EFCAB8: variants seen among roughly 807,000 people sequenced by gnomAD.
The protein encoded by EFCAB8 is EF-hand calcium binding domain 8.
EFCAB8 carries 100 observed loss-of-function variants against 116.3 expected under a neutral mutation model. The ratio of observed to expected loss-of-function variants is 0.86; its 90% CI spans 0.73 to 1.02. The LOEUF (loss-of-function observed/expected upper bound fraction) is 1.02, where lower values mean the gene tolerates loss of function less well. EFCAB8 is among the 50% of genes least tolerant of loss of function. The pLI is 0.00. For synonymous variants in EFCAB8, 558 were observed against 567.9 expected (o/e 0.98, Z 0.25); for missense variants, 1,320 against 1,416.9 (o/e 0.93, Z 1.10).
intron 11 of EFCAB8, 78 bp from the exon 12 acceptor site, chr20:32,906,484 C>T (rs1051436726): frequency 8.4e-6 from 6 of 712,130 alleles, no homozygotes; most frequent in African/African-American, 7.0e-5. Context: ...TAGCTCCTCC[C>T]ACCCCAGGCT....
intron 22 of EFCAB8, among the ~76,000 whole-genome samples, chr20:32,935,192 C>CTTTTTTTTTTTTTTTTT (rs753039647): frequency 1.1e-3 from 39 of 34,052 alleles, no homozygotes; most frequent in Admixed American, 1.4e-3. Flanking sequence ...TTCTTTCTTT[C>CTTTTTTTTTTTTTTTTT]TTTTTTTTTT....
intron 15 of EFCAB8, 62 bp from the exon 16 acceptor site, chr20:32,911,418 A>C (rs1266152743): frequency 2.2e-6 from 3 of 1,379,712 alleles, no homozygotes; most frequent in Non-Finnish European, 1.9e-6. Context: ...CAGGCTGGAG[A>C]CCACCCTTGG....
intron 22 of EFCAB8, among the ~76,000 whole-genome samples, chr20:32,933,351 T>TAA (rs1341404566): frequency 6.6e-6 from 1 of 152,236 alleles, no homozygotes; most frequent in Non-Finnish European, 1.5e-5. Context: ...TTCAAATAGA[T>TAA]AAATCATAAT....
chr20:32,864,221 C>T (rs1188276264), intron 2 of EFCAB8, among the ~76,000 whole-genome samples: 8 of 151,912 alleles, frequency 5.3e-5, no homozygotes, highest in South Asian at 2.1e-4. Flanking sequence ...ATGATCTGCC[C>T]GCCTCAGCCT....
At chr20:32,883,731 C>A (rs997679370) in intron 5 of EFCAB8, among the ~76,000 whole-genome samples, 1 of 151,928 alleles carries the variant, frequency 6.6e-6, no homozygotes, top group South Asian at 2.1e-4. Flanking sequence ...CACTCTGTCA[C>A]CCAGGCTGGA....
intron 26 of EFCAB8, among the ~76,000 whole-genome samples, chr20:32,960,607 A>T (rs1198636295): frequency 1.3e-5 from 2 of 152,246 alleles, no homozygotes; most frequent in African/African-American, 4.8e-5. Flanking sequence ...AGGGACAGAA[A>T]GGAGCAGGGG....
chr20:32,948,808 A>G (rs77179483), intron 23 of EFCAB8, among the ~76,000 whole-genome samples: 1,896 of 152,290 alleles, frequency 0.012, 29 homozygotes, highest in African/African-American at 0.043. Flanking sequence ...AAAATTCAAC[A>G]TCCATTTCTG....
chr20:32,935,415 G>A (rs1286039059), intron 22 of EFCAB8, among the ~76,000 whole-genome samples: 1 of 151,816 alleles, frequency 6.6e-6, no homozygotes. Flanking sequence ...GGTCAGGCTG[G>A]TCCCGAACTC....
intron 5 of EFCAB8, among the ~76,000 whole-genome samples, chr20:32,879,925 C>T (rs1252012288): frequency 6.6e-6 from 1 of 152,150 alleles, no homozygotes; most frequent in Non-Finnish European, 1.5e-5. Flanking sequence ...GTTGATCTGC[C>T]TCGCTGTGTG....
At chr20:32,903,911 C>A (rs1986546240) in intron 11 of EFCAB8, among the ~76,000 whole-genome samples, 1 of 152,092 alleles carries the variant, frequency 6.6e-6, no homozygotes, top group African/African-American at 2.4e-5. Flanking sequence ...CTGGCTTAGG[C>A]CCCCCGGGAG....
chr20:32,885,484 CTCTT>C lies in EFCAB8; in HGVS notation c.432-18_432-15del. 1 of 1,551,476 alleles carries C rather than the reference CTCTT, an allele frequency of 6.4e-7. No individual in the cohort carries two copies. Among genetic ancestry groups the C allele is most frequent in the Non-Finnish European group, 8.7e-7 (1 of 1,146,834 alleles). On this transcript the variant is annotated splice_polypyrimidine_tract_variant and intron_variant, in intron 5 of 26. Coordinates refer to ENST00000400522, the MANE Select transcript of EFCAB8 (RefSeq NM_001143967.2). ...GAGCTGTTTTTGCTTGGGCTCTTCT[CTCTT>C]TCATCGCCTCCCACAGGAACCATGG... is the stretch of plus-strand genomic sequence containing the variant.
At chr20:32,935,024 G>A (rs1895680435) in intron 22 of EFCAB8, among the ~76,000 whole-genome samples, 1 of 151,994 alleles carries the variant, frequency 6.6e-6, no homozygotes, top group Non-Finnish European at 1.5e-5. Context: ...TCTAACAGAT[G>A]TAAGATGATA....
intron 5 of EFCAB8, among the ~76,000 whole-genome samples, chr20:32,885,235 C>A (rs1985553642): frequency 6.6e-6 from 1 of 152,232 alleles, no homozygotes; most frequent in African/African-American, 2.4e-5. Context: ...GGCTACTTCG[C>A]AGGATAAGCC....
intron 22 of EFCAB8, among the ~76,000 whole-genome samples, chr20:32,934,952 A>G (rs969280312): frequency 9.9e-5 from 15 of 152,106 alleles, no homozygotes; most frequent in African/African-American, 1.4e-4. Flanking sequence ...ACATTGTACA[A>G]GGGTTTTCTT....
At chr20:32,917,156 G>C in intron 17 of EFCAB8, 145 bp from the exon 18 acceptor site, 2 of 643,698 alleles carry the variant, frequency 3.1e-6, no homozygotes, top group South Asian at 3.9e-5. Flanking sequence ...GAGGTCAATG[G>C]GACATGGCTT....
chr20:32,937,856 A>G (rs1417928234), intron 22 of EFCAB8, among the ~76,000 whole-genome samples: 1 of 149,692 alleles, frequency 6.7e-6, no homozygotes, highest in Non-Finnish European at 1.5e-5. Flanking sequence ...CAACCTCGTG[A>G]TCCGCCCACC....
intron 22 of EFCAB8, among the ~76,000 whole-genome samples, chr20:32,939,201 TTCCTCTCTC>T (rs1988297549): frequency 1.3e-5 from 1 of 76,476 alleles, no homozygotes; most frequent in Admixed American, 1.3e-4. Flanking sequence ...CTTTCTTTCT[TTCCTCTCTC>T]TCTCTCTCTC....
intron 2 of EFCAB8, among the ~76,000 whole-genome samples, chr20:32,866,255 T>TG (rs1984395748): frequency 6.6e-6 from 1 of 152,104 alleles, no homozygotes; most frequent in East Asian, 1.9e-4. Flanking sequence ...TGGGGCTAAG[T>TG]GGGGGAGAGT....
At chr20:32,865,532 C>T (rs752689091) in intron 2 of EFCAB8, among the ~76,000 whole-genome samples, 1 of 151,718 alleles carries the variant, frequency 6.6e-6, no homozygotes, top group Non-Finnish European at 1.5e-5. Context: ...GCGCAGTGGC[C>T]CATATCTGTA....
Sources: gnomAD v4.1 joint callset for allele counts (sites outside exome capture counted in the v4.1 genomes callset) on GRCh38, gnomAD v4.1.1 for gene constraint, MANE v1.5 for transcripts, NCBI Gene and HGNC (gene_info 2026-07-23, HGNC 2026-07-21) for gene names.